The following NUP210L variants were observed in gnomAD, a reference collection of about 807,000 sequenced individuals.
The protein encoded by NUP210L is nucleoporin 210 like.
In NUP210L, 74 loss-of-function variants were observed where a neutral mutation model predicts 208.5. The ratio of observed to expected loss-of-function variants is 0.35; its 90% CI spans 0.29 to 0.43. NUP210L has a LOEUF of 0.43. NUP210L is among the 20% of genes least tolerant of loss of function. The pLI, the probability that NUP210L is intolerant of heterozygous loss-of-function variation, is 1.00. For missense variants in NUP210L, 1,843 were observed against 2,289.4 expected (o/e 0.81, Z 3.98); for synonymous variants, 780 against 816.9 (o/e 0.95, Z 0.77).
At chr1:153,996,469 TG>T (rs1649873224) in intron 37 of NUP210L, among the ~76,000 whole-genome samples, 1 of 152,202 alleles carries the variant, frequency 6.6e-6, no homozygotes, top group Non-Finnish European at 1.5e-5. Flanking sequence ...TTGCCCAGGC[TG>T]GAGTGCAGTG....
At chr1:154,034,037 C>T (rs534461207) in intron 27 of NUP210L, among the ~76,000 whole-genome samples, 32 of 151,234 alleles carry the variant, frequency 2.1e-4, no homozygotes, top group Middle Eastern at 3.5e-3. Context: ...AATTTTCATG[C>T]CTGGCCATGA....
intron 16 of NUP210L, among the ~76,000 whole-genome samples, chr1:154,086,806 C>A (rs1488824318): frequency 6.6e-6 from 1 of 151,158 alleles, no homozygotes; most frequent in Non-Finnish European, 1.5e-5. Flanking sequence ...AAAAGTGAGA[C>A]CCTGTGTCTT....
rs561861080 is a variant in NUP210L, at chr1:154,067,694, C to T, written c.2554+2579G>A. Among the ~76,000 whole-genome samples, 27 of 152,262 alleles carry T rather than the reference C, an allele frequency of 1.8e-4. No individual in the cohort carries two copies. In the East Asian group the frequency reaches 4.0e-3, roughly 23 times the overall value. ...ATGACATGATTGTATATTTAGAAAA[C>T]CCCATCATCTCAGCCCCAAATCTCC... On this transcript the variant is annotated intron_variant, in intron 17 of 39. Transcript: ENST00000368559.
At chr1:154,025,751 G>T in intron 29 of NUP210L, 35 bp from the exon 30 acceptor site, 1 of 1,591,796 alleles carries the variant, frequency 6.3e-7, no homozygotes, top group South Asian at 1.1e-5. Flanking sequence ...CATCTTTTTG[G>T]GGTCCTGTCT....
intron 27 of NUP210L, among the ~76,000 whole-genome samples, chr1:154,039,623 TG>T (rs1254910507): frequency 6.6e-5 from 10 of 152,224 alleles, no homozygotes; most frequent in Non-Finnish European, 1.2e-4. Flanking sequence ...ACTTTAAATA[TG>T]TCATGCCACT....
intron 27 of NUP210L, among the ~76,000 whole-genome samples, chr1:154,045,715 C>T (rs577707259): frequency 1.5e-4 from 23 of 152,270 alleles, no homozygotes; most frequent in African/African-American, 5.1e-4. Context: ...AGCATGGTGG[C>T]TCACGCCTGT....
intron 27 of NUP210L, among the ~76,000 whole-genome samples, chr1:154,037,532 T>C (rs1469212940): frequency 1.3e-5 from 2 of 152,192 alleles, no homozygotes; most frequent in Non-Finnish European, 2.9e-5. Flanking sequence ...TAACATGAAA[T>C]ATCTTTTTCC....
chr1:154,001,929 G>A (rs1250843668), exon 36 of NUP210L: 1 of 1,614,074 alleles, frequency 6.2e-7, no homozygotes, highest in East Asian at 2.2e-5. Context: ...GCCACACTGA[G>A]GGCCTGTAGC....
exon 16 of NUP210L, chr1:154,089,565 T>C: frequency 6.2e-7 from 1 of 1,614,148 alleles, no homozygotes; most frequent in Non-Finnish European, 8.5e-7. Context: ...TCAGGACACC[T>C]GGATGATTTC....
chr1:154,142,813 G>C (rs780259841), intron 3 of NUP210L, among the ~76,000 whole-genome samples: 1 of 151,432 alleles, frequency 6.6e-6, no homozygotes, highest in Non-Finnish European at 1.5e-5. Flanking sequence ...CGCCTGAAGC[G>C]GGAGGGCAGA....
intron 13 of NUP210L, 43 bp downstream of exon 13, chr1:154,103,968 TA>T: frequency 6.8e-7 from 1 of 1,469,450 alleles, no homozygotes; most frequent in Non-Finnish European, 9.4e-7. Flanking sequence ...TAAAGATAAA[TA>T]AATAAAGACA....
intron 16 of NUP210L, among the ~76,000 whole-genome samples, chr1:154,071,264 C>CT (rs907854429): frequency 5.3e-5 from 8 of 151,350 alleles, no homozygotes; most frequent in East Asian, 1.9e-4. Flanking sequence ...ACCTGGATAA[C>CT]TTTTTTTTAA....
At chr1:154,075,870 T>C (rs1655004645) in intron 16 of NUP210L, among the ~76,000 whole-genome samples, 1 of 151,564 alleles carries the variant, frequency 6.6e-6, no homozygotes, top group African/African-American at 2.4e-5. Context: ...GCTCACTGCA[T>C]CCTCTGCCTC....
At chr1:154,110,191 C>T (rs1309869692) in intron 12 of NUP210L, among the ~76,000 whole-genome samples, 3 of 148,940 alleles carry the variant, frequency 2.0e-5, no homozygotes, top group Non-Finnish European at 4.4e-5. Flanking sequence ...GCCAAGATCA[C>T]GCCACTGCAC....
intron 25 of NUP210L, among the ~76,000 whole-genome samples, chr1:154,053,999 A>C (rs886882485): frequency 2.6e-5 from 4 of 152,192 alleles, no homozygotes; most frequent in African/African-American, 9.7e-5. Context: ...TCTCTTCTTC[A>C]AAGCATTCTT....
exon 29 of NUP210L, chr1:154,027,523 G>A (rs1459288423): frequency 1.2e-6 from 2 of 1,612,520 alleles, no homozygotes; most frequent in Admixed American, 3.3e-5. Context: ...TATGGAGTTT[G>A]AGCTGAGAAT....
intron 27 of NUP210L, among the ~76,000 whole-genome samples, chr1:154,036,655 G>A (rs538607890): frequency 4.7e-5 from 7 of 150,410 alleles, no homozygotes; most frequent in South Asian, 2.1e-4. Flanking sequence ...ATGAGCTACC[G>A]TGCCCAGCCA....
In NUP210L at chr1:154,012,176, G is replaced by A. The variant is rs1650963693; in HGVS notation, c.4780+68C>T. 8 of 1,505,716 alleles carry A rather than the reference G, an allele frequency of 5.3e-6. No individual in the cohort carries two copies. In the Admixed American group the frequency reaches 1.5e-4, roughly 28 times the overall value. 93.3% of individuals were successfully genotyped at this position (1,505,716 alleles called of 1,614,324 possible). On this transcript the variant is annotated intron_variant, in intron 34 of 39. Transcript: ENST00000368559. Reference sequence around the variant, plus strand: ...GAAAATCTGGATTACTAATCCAAAGGGATAAATGAATTGAGGGAAAACGAG... The same window carrying A: ...GAAAATCTGGATTACTAATCCAAAGAGATAAATGAATTGAGGGAAAACGAG...
chr1:154,145,438 T>A (rs1458818659), intron 2 of NUP210L, among the ~76,000 whole-genome samples: 1 of 151,314 alleles, frequency 6.6e-6, no homozygotes, highest in Admixed American at 6.6e-5. Context: ...AATTAAACAT[T>A]GAAAAAAAAA....
Sources: gnomAD v4.1 joint callset for allele counts (sites outside exome capture counted in the v4.1 genomes callset) on GRCh38, gnomAD v4.1.1 for gene constraint, MANE v1.5 for transcripts, NCBI Gene and HGNC (gene_info 2026-07-23, HGNC 2026-07-21) for gene names.